ILKAP: variants seen among roughly 807,000 people sequenced by gnomAD.
The protein encoded by ILKAP is integrin-linked kinase-associated serine/threonine phosphatase 2C.
In ILKAP, 11 loss-of-function variants were observed where a neutral mutation model predicts 49.1. That is an observed-to-expected ratio of 0.22 (90% CI 0.14 to 0.37). ILKAP has a LOEUF of 0.37. Among genes scored for constraint, ILKAP ranks in the 10% least tolerant of loss-of-function variants. The probability of loss-of-function intolerance (pLI) is 1.00; values close to 1 mark genes in which losing one functional copy is unlikely to be tolerated. For synonymous variants in ILKAP, 186 were observed against 192.8 expected, an observed-to-expected ratio of 0.96 and a Z score of 0.29; for missense variants, 363 against 510.8, an observed-to-expected ratio of 0.71 and a Z score of 2.79.
At chr2:238,190,655 A>G (rs988068529) in intron 3 of ILKAP, among the ~76,000 whole-genome samples, 1 of 152,182 alleles carries the variant, frequency 6.6e-6, no homozygotes, top group African/African-American at 2.4e-5. Flanking sequence ...AAGTAGGAAG[A>G]GCATTTGTCA....
At chr2:238,178,803 T>A (rs543490201) in intron 9 of ILKAP, among the ~76,000 whole-genome samples, 165 of 152,242 alleles carry the variant, frequency 1.1e-3, no homozygotes, top group African/African-American at 2.9e-3. Flanking sequence ...TATTATTATT[T>A]TTTTTTAAGC....
intron 10 of ILKAP, among the ~76,000 whole-genome samples, 175 bp downstream of exon 10, chr2:238,173,359 C>T (rs1049636842): frequency 1.3e-5 from 2 of 152,152 alleles, no homozygotes; most frequent in African/African-American, 4.8e-5. Context: ...CATGTGTCCC[C>T]CCCTACCACT....
chr2:238,179,350 G>T (rs933987209), intron 9 of ILKAP, among the ~76,000 whole-genome samples: 1 of 152,166 alleles, frequency 6.6e-6, no homozygotes, highest in African/African-American at 2.4e-5. Context: ...CTTTCAAATG[G>T]ATAAAGGACA....
chr2:238,179,357 G>A (rs1354801746), intron 9 of ILKAP, among the ~76,000 whole-genome samples: 1 of 152,194 alleles, frequency 6.6e-6, no homozygotes, highest in Non-Finnish European at 1.5e-5. Flanking sequence ...ATGGATAAAG[G>A]ACAGAATGAA....
chr2:238,176,301 T>C (rs538052531), intron 9 of ILKAP, among the ~76,000 whole-genome samples: 6 of 152,042 alleles, frequency 3.9e-5, no homozygotes, highest in Non-Finnish European at 5.9e-5. Context: ...GCCAGCTAAT[T>C]TTTTTATTTT....
chr2:238,173,982 G>C lies in ILKAP; in HGVS notation c.837-329C>G, dbSNP rs574496802. On this transcript the variant is annotated intron_variant, in intron 9 of 11. Transcript: ENST00000254654. ...AGGTCCCAACTCCAGAATCGGATTTGACTGACTGGGTAAGGGAGCCTGGCA... is the reference window on the plus strand; with the variant it reads ...AGGTCCCAACTCCAGAATCGGATTTCACTGACTGGGTAAGGGAGCCTGGCA... 9 of 253,732 alleles carry C rather than the reference G, an allele frequency of 3.5e-5. No individual in the cohort carries two copies. The South Asian group carries it at 9.2e-4, about 26-fold the overall frequency. The allele number at this position is 253,732 out of a possible 1,614,324, so 15.7% of individuals were successfully genotyped here.
chr2:238,182,350 CAAAGAAG>C (rs1360581150), intron 8 of ILKAP, among the ~76,000 whole-genome samples, 164 bp from the exon 9 acceptor site: 3 of 152,196 alleles, frequency 2.0e-5, no homozygotes, highest in African/African-American at 7.2e-5. Flanking sequence ...AATCAAGCAG[CAAAGAAG>C]TGTCAAAGAC....
At chr2:238,202,474 C>T (rs1694609346) in intron 1 of ILKAP, among the ~76,000 whole-genome samples, 1 of 152,196 alleles carries the variant, frequency 6.6e-6, no homozygotes, top group Admixed American at 6.5e-5. Context: ...TACCCTACAA[C>T]AGCAGCTCCC....
At chr2:238,174,993 G>A (rs1192596783) in intron 9 of ILKAP, among the ~76,000 whole-genome samples, 6 of 152,190 alleles carry the variant, frequency 3.9e-5, no homozygotes, top group Non-Finnish European at 1.5e-5. Context: ...GCAATGGCAG[G>A]TCCCAGAAGA....
chr2:238,193,047 C>A (rs777548292), intron 3 of ILKAP, among the ~76,000 whole-genome samples: 4 of 152,146 alleles, frequency 2.6e-5, no homozygotes, highest in Non-Finnish European at 5.9e-5. Context: ...CTCTAGAAAT[C>A]TAAAACACTA....
At chr2:238,189,376 T>G (rs1304959532) in intron 4 of ILKAP, among the ~76,000 whole-genome samples, 3 of 152,192 alleles carry the variant, frequency 2.0e-5, no homozygotes, top group African/African-American at 4.8e-5. Context: ...TGAAGTATTC[T>G]CTTTAGTTAA....
At chr2:238,191,808 G>C (rs1225659710) in intron 3 of ILKAP, among the ~76,000 whole-genome samples, 1 of 152,028 alleles carries the variant, frequency 6.6e-6, no homozygotes, top group Non-Finnish European at 1.5e-5. Flanking sequence ...GGGAGGCTGA[G>C]GCACGAGACT....
At chr2:238,203,233 G>A (rs920556565) in intron 1 of ILKAP, among the ~76,000 whole-genome samples, 7 of 151,060 alleles carry the variant, frequency 4.6e-5, no homozygotes, top group Admixed American at 1.3e-4. Flanking sequence ...GCCACGCAGA[G>A]GGGCCGTGGC....
rs773377401 is a variant in ILKAP, at chr2:238,188,251, G to A, written c.305C>T (p.Ser102Leu). The A allele has an allele frequency of 2.0e-5, 33 of 1,613,508 alleles. No homozygotes were observed. Among genetic ancestry groups the A allele is most frequent in the Non-Finnish European group, 1.6e-5 (19 of 1,179,844 alleles). The change falls in exon 5 of 12, where the codon TCG (serine) becomes TTG (leucine). Residue 102 changes from serine to leucine, a missense_variant. By Grantham distance (145) the Ser-to-Leu change is moderately radical. Around this residue, in one of 3 missense-constraint regions of ILKAP, gnomAD observed 166 missense variants for 307.3 expected, o/e 0.54. Coordinates refer to ENST00000254654, the MANE Select transcript of ILKAP (RefSeq NM_030768.3). ...ATAGCCCTTCAGACCAAAGATCACCGAAGAGGCTAAGGAAAAGAGAACAAA... is the reference window on the plus strand; with the variant it reads ...ATAGCCCTTCAGACCAAAGATCACCAAAGAGGCTAAGGAAAAGAGAACAAA... The part of the protein sequence containing the change: ...LVEKKVCKAS[S>L]VIFGLKGYVA...
intron 4 of ILKAP, among the ~76,000 whole-genome samples, chr2:238,189,458 A>G (rs1694033798): frequency 6.6e-6 from 1 of 152,262 alleles, no homozygotes; most frequent in South Asian, 2.1e-4. Flanking sequence ...GGCTTTTTCC[A>G]GGCTTAGGGA....
chr2:238,170,438 G>T lies in ILKAP; in HGVS notation c.*98C>A. The T allele has an allele frequency of 7.8e-7, 1 of 1,288,720 alleles. No homozygotes were observed. The highest frequency in any genetic ancestry group is 1.1e-6 in the Non-Finnish European group (1 of 939,048). The allele number at this position is 1,288,720 out of a possible 1,614,324, so 79.8% of individuals were successfully genotyped here. A position where few individuals can be genotyped will look rare whatever the true frequency, so the allele number is the denominator to read the frequency against. ...AAGAGAAACCTTTATTTACAACCATGGGAGTCCCACAGGAGTACACAAAAC... is the reference window on the plus strand; with the variant it reads ...AAGAGAAACCTTTATTTACAACCATTGGAGTCCCACAGGAGTACACAAAAC... On this transcript the variant is annotated 3_prime_UTR_variant, in exon 12 of 12. Transcript: ENST00000254654.
At chr2:238,197,905 T>G (rs918604066) in intron 1 of ILKAP, among the ~76,000 whole-genome samples, 1 of 152,154 alleles carries the variant, frequency 6.6e-6, no homozygotes, top group Non-Finnish European at 1.5e-5. Context: ...TATTTACCGA[T>G]GAAAAAACTG....
intron 5 of ILKAP, chr2:238,186,528 T>A (rs1166691914): frequency 6.6e-6 from 1 of 152,196 alleles, no homozygotes; most frequent in East Asian, 1.9e-4. Context: ...TGACTTGATG[T>A]TGTTATTCAG....
rs1358755026 is a variant in ILKAP, at chr2:238,189,804, G to A, written c.298+49C>T. 5.1e-6 allele frequency: 8 copies of A among 1,579,980 alleles called. No individual in the cohort carries two copies. The South Asian group carries it at 9.0e-5, about 18-fold the overall frequency. ...GCTGAAACTGGTTTTGCTCTGGGTT[G>A]TTTTAAAATATGAAGTCTAATACAT... On this transcript the variant is annotated intron_variant, in intron 4 of 11. Transcript: ENST00000254654.
Sources: allele counts gnomAD v4.1 joint callset (sites outside exome capture counted in the v4.1 genomes callset), GRCh38; gene constraint gnomAD v4.1.1; regional missense constraint gnomAD v4.1.1; transcripts MANE v1.5; gene names NCBI Gene and HGNC (gene_info 2026-07-23, HGNC 2026-07-21).